Variants in ANO4 observed in about 807,000 individuals in gnomAD.
ANO4 encodes anoctamin-4.
Under a neutral mutation model 141.9 loss-of-function variants are expected in ANO4, and 69 were observed. The ratio of observed to expected loss-of-function variants is 0.49; its 90% CI spans 0.40 to 0.59. The LOEUF is 0.59. ANO4 is among the 20% of genes least tolerant of loss of function. The probability of loss-of-function intolerance (pLI) is 0.00; values close to 1 mark genes in which losing one functional copy is unlikely to be tolerated. For missense variants in ANO4, 894 were observed against 1,162.2 expected (o/e 0.77, Z 3.36); for synonymous variants, 350 against 394.3 (o/e 0.89, Z 1.33).
upstream of ANO4, among the ~76,000 whole-genome samples, chr12:100,792,947 A>G (rs150316412): frequency 6.6e-6 from 1 of 152,366 alleles, no homozygotes; most frequent in African/African-American, 2.4e-5. Context: ...TTGTGCATTT[A>G]TATTTCCTGA....
chr12:100,814,723 G>T (rs955255294), intron 1 of ANO4, among the ~76,000 whole-genome samples: 2 of 152,090 alleles, frequency 1.3e-5, no homozygotes, highest in Admixed American at 6.6e-5. Context: ...GTTATTGTCT[G>T]CTCCATAATA....
intron 2 of ANO4, among the ~76,000 whole-genome samples, chr12:100,916,357 A>C (rs931690175): frequency 6.6e-6 from 1 of 152,158 alleles, no homozygotes; most frequent in Admixed American, 6.5e-5. Flanking sequence ...AAGATGCTTT[A>C]AATTGTAGAC....
At chr12:100,731,927 A>T (rs1038859181) in intron 1 of ANO4, among the ~76,000 whole-genome samples, 2 of 152,186 alleles carry the variant, frequency 1.3e-5, no homozygotes, top group Non-Finnish European at 2.9e-5. Flanking sequence ...CTTCCAAGTT[A>T]TGGCAACTAT....
intron 3 of ANO4, among the ~76,000 whole-genome samples, chr12:100,925,631 A>G (rs1248005677): frequency 1.4e-5 from 2 of 141,646 alleles, no homozygotes; most frequent in East Asian, 4.1e-4. Flanking sequence ...GTACCCCAGA[A>G]CTTAAAGTAT....
chr12:100,995,695 C>T (rs1367636955), intron 8 of ANO4, among the ~76,000 whole-genome samples: 1 of 152,156 alleles, frequency 6.6e-6, no homozygotes, highest in Non-Finnish European at 1.5e-5. Flanking sequence ...TGAAAGACCC[C>T]TTGAAATAAA....
In ANO4 at chr12:101,111,677, GA is replaced by G. The variant is rs1377270406; in HGVS notation, c.2418del (p.Pro807LeufsTer17). 2 of 1,608,526 alleles carry G rather than the reference GA, an allele frequency of 1.2e-6. No homozygotes were observed. On this transcript the variant is annotated frameshift_variant, in exon 24 of 28. Coordinates refer to ENST00000392977, the MANE Select transcript of ANO4 (RefSeq NM_001286615.2). LOFTEE classifies it high-confidence loss of function. ...IPRLVYAYKY[G>X]PCAGQGEAGQ... is the part of the protein sequence containing the mutation. The stretch of plus-strand genomic sequence containing the variant: ...CGCTTGGTGTATGCTTATAAGTATG[GA>G]CCTTGTGCAGGCCAAGGAGAAGCTG...
intron 1 of ANO4, among the ~76,000 whole-genome samples, chr12:100,817,145 C>T (rs983098105): frequency 1.6e-4 from 25 of 151,650 alleles, no homozygotes; most frequent in African/African-American, 5.8e-4. Context: ...TTATATAATT[C>T]CTTAAGTATA....
chr12:100,762,886 C>T (rs2135530438), intron 3 of ANO4, among the ~76,000 whole-genome samples: 1 of 152,252 alleles, frequency 6.6e-6, no homozygotes, highest in East Asian at 1.9e-4. Flanking sequence ...TAAAACAGTG[C>T]CCAGAACATA....
At chr12:100,754,077 C>G (rs747935264) in intron 3 of ANO4, among the ~76,000 whole-genome samples, 32 of 152,166 alleles carry the variant, frequency 2.1e-4, no homozygotes, top group Admixed American at 7.2e-4. Flanking sequence ...GTTCTTTGTT[C>G]ATTTACTGGG....
chr12:101,095,497 A>T (rs2049946378), intron 18 of ANO4, among the ~76,000 whole-genome samples: 1 of 152,102 alleles, frequency 6.6e-6, no homozygotes, highest in Non-Finnish European at 1.5e-5. Flanking sequence ...CCTTTAAGAA[A>T]ACCCTTTAAG....
rs183167493 is a variant in ANO4 at position 100,757,541 on chromosome 12, C to T, written c.358+17436C>T. Among the ~76,000 whole-genome samples the T allele has an allele frequency of 6.9e-4, 105 of 152,248 alleles. 2 individuals carry two copies. The highest frequency in any genetic ancestry group is 2.4e-3 in the African/African-American group (100 of 41,552). ...GCCTGATTGTGAAGGCCTTGGATAC[C>T]GTATACCATGAACTTGACTTTATGG... On this transcript the variant is annotated intron_variant, in intron 3 of 29. Coordinates refer to the ANO4 transcript ENST00000644049.
chr12:100,914,663 G>T (rs1301774344), intron 2 of ANO4, among the ~76,000 whole-genome samples: 1 of 151,934 alleles, frequency 6.6e-6, no homozygotes. Context: ...TTCAGAACCA[G>T]TAGCATTTCC....
intron 1 of ANO4, among the ~76,000 whole-genome samples, chr12:100,897,789 C>A (rs1365685548): frequency 2.0e-5 from 3 of 152,148 alleles, no homozygotes; most frequent in Non-Finnish European, 4.4e-5. Flanking sequence ...GATCAAGAAT[C>A]AGGAGGACAT....
At position 100,860,979 on chromosome 12, in the gene ANO4, A is replaced by G. The variant is rs796997635; in HGVS notation, c.-140-40667A>G. On this transcript the variant is annotated intron_variant, in intron 1 of 27. Coordinates refer to ENST00000392977, the MANE Select transcript of ANO4 (RefSeq NM_001286615.2). Reference sequence around the variant, plus strand: ...ATGGCACAGACCCAAAGAGTGAGCAACAGCAAGATTTATTGTGAAGAGCGA... The same window carrying G: ...ATGGCACAGACCCAAAGAGTGAGCAGCAGCAAGATTTATTGTGAAGAGCGA... Among the ~76,000 whole-genome samples, 163 of 152,328 alleles carry G rather than the reference A, an allele frequency of 1.1e-3. 2 individuals carry two copies. Among genetic ancestry groups the G allele is most frequent in the African/African-American group, 3.8e-3 (157 of 41,574 alleles).
At chr12:100,919,756 C>CTATA (rs2136097050) in intron 2 of ANO4, among the ~76,000 whole-genome samples, 1 of 150,670 alleles carries the variant, frequency 6.6e-6, no homozygotes, top group Admixed American at 6.7e-5. Flanking sequence ...ATCTATCTAT[C>CTATA]TATCTATCTA....
At chr12:100,796,036 ATTT>A (rs34968573) in intron 1 of ANO4, among the ~76,000 whole-genome samples, 56 of 141,562 alleles carry the variant, frequency 4.0e-4, no homozygotes, top group African/African-American at 1.1e-3. Context: ...CTTAACAGGG[ATTT>A]TTTTTTTTTT....
intron 3 of ANO4, among the ~76,000 whole-genome samples, chr12:100,929,877 T>C (rs185652285): frequency 2.6e-5 from 4 of 152,214 alleles, no homozygotes; most frequent in African/African-American, 9.6e-5. Context: ...AATCTGAACA[T>C]TTTACAATGA....
chr12:101,080,883 T>TTTTATA (rs1555296548), intron 15 of ANO4, among the ~76,000 whole-genome samples: 14 of 74,102 alleles, frequency 1.9e-4, no homozygotes, highest in African/African-American at 5.5e-4. Context: ...TATATATATA[T>TTTTATA]TATATATATA....
chr12:100,740,617 C>T (rs548635059), intron 3 of ANO4, among the ~76,000 whole-genome samples: 14 of 151,994 alleles, frequency 9.2e-5, no homozygotes, highest in African/African-American at 9.7e-5. Flanking sequence ...CTTTGAATAC[C>T]GTAGTTAATA....
Sources: allele counts gnomAD v4.1 joint callset (sites outside exome capture counted in the v4.1 genomes callset), GRCh38; gene constraint gnomAD v4.1.1; transcripts MANE v1.5; gene names NCBI Gene and HGNC (gene_info 2026-07-23, HGNC 2026-07-21).